LRRC17: variants seen among roughly 807,000 people sequenced by gnomAD.
LRRC17 encodes leucine rich repeat containing 17.
Under a neutral mutation model 41.5 loss-of-function variants are expected in LRRC17, and 33 were observed. The observed-to-expected ratio is 0.80, with a 90% CI of 0.60 to 1.06. The LOEUF is 1.06. Among genes scored for constraint, LRRC17 ranks in the 50% least tolerant of loss-of-function variants. LRRC17 has a pLI of 0.00. For synonymous variants in LRRC17, 192 were observed against 197.0 expected, an observed-to-expected ratio of 0.97 and a Z score of 0.21; for missense variants, 491 against 519.3, an observed-to-expected ratio of 0.95 and a Z score of 0.53.
intron 1 of LRRC17, among the ~76,000 whole-genome samples, chr7:102,930,090 T>C (rs971131040): frequency 5.3e-5 from 8 of 151,920 alleles, no homozygotes; most frequent in Non-Finnish European, 1.2e-4. Context: ...CACAATGAAA[T>C]AGCATGACAT....
rs4061 is a variant in LRRC17 at position 102,944,825 on chromosome 7, T to A, written c.*218T>A. On this transcript the variant is annotated 3_prime_UTR_variant, in exon 4 of 4. Transcript: ENST00000339431. ...ATTTGTGGAACAGCATCTGGTGATA[T>A]GCAATTCCACACTGGTAACCTGCAG... The A allele has an allele frequency of 2.1e-6, 1 of 468,184 alleles. No individual in the cohort carries two copies. Among genetic ancestry groups the A allele is most frequent in the African/African-American group, 2.0e-5 (1 of 50,152 alleles). The allele number at this position is 468,184 out of a possible 1,614,324, so 29.0% of individuals were successfully genotyped here.
intron 3 of LRRC17, among the ~76,000 whole-genome samples, chr7:102,940,713 C>T (rs1821261296): frequency 6.6e-6 from 1 of 152,332 alleles, no homozygotes; most frequent in South Asian, 2.1e-4. Flanking sequence ...CAAATCTCTT[C>T]TCCATTTGCT....
Position 102,934,631 on chromosome 7 carries a change from A to G in LRRC17, c.718A>G (p.Thr240Ala). The G allele has an allele frequency of 6.2e-7, 1 of 1,608,438 alleles. No individual in the cohort carries two copies. The highest frequency in any genetic ancestry group is 2.2e-5 in the East Asian group (1 of 44,880). The change falls in exon 2 of 4, where the codon ACT becomes GCT. Residue 240 changes from threonine (T) to alanine (A), a missense_variant. Coordinates refer to ENST00000339431, the MANE Select transcript of LRRC17 (RefSeq NM_001031692.3). ...AGTCATCAAGCCTGAGGTGGACTCA[A>G]CTTTTTGCCACAATTATGTGTTTCC... ...PPVIKPEVDS[T>A]FCHNYVFPIQ...
At chr7:102,932,758 AC>A (rs1235172309) in intron 1 of LRRC17, among the ~76,000 whole-genome samples, 3 of 151,876 alleles carry the variant, frequency 2.0e-5, no homozygotes, top group Non-Finnish European at 4.4e-5. Context: ...ACAGGTGCAT[AC>A]CACCATGCCC....
At chr7:102,915,913 A>G (rs1815761625) in intron 1 of LRRC17, among the ~76,000 whole-genome samples, 1 of 152,206 alleles carries the variant, frequency 6.6e-6, no homozygotes, top group Non-Finnish European at 1.5e-5. Flanking sequence ...AATGTCCCAG[A>G]GACTGCTAAT....
chr7:102,937,819 T>C (rs1228796743), intron 2 of LRRC17, among the ~76,000 whole-genome samples: 1 of 152,182 alleles, frequency 6.6e-6, no homozygotes, highest in Non-Finnish European at 1.5e-5. Context: ...ATGGCTAGAA[T>C]TGAAGTGTGA....
chr7:102,936,693 C>T (rs1820375839), intron 2 of LRRC17, among the ~76,000 whole-genome samples: 1 of 152,202 alleles, frequency 6.6e-6, no homozygotes, highest in Admixed American at 6.5e-5. Context: ...CCTCAAGCTA[C>T]AGTGAATTTG....
chr7:102,930,320 G>A (rs1266879277), intron 1 of LRRC17, among the ~76,000 whole-genome samples: 3 of 151,966 alleles, frequency 2.0e-5, no homozygotes, highest in Admixed American at 1.3e-4. Flanking sequence ...CTCCTATCTC[G>A]TTAGGGACTT....
At position 102,934,044 on chromosome 7, in the gene LRRC17, C is replaced by A. The variant is rs747092240; in HGVS notation, c.131C>A (p.Pro44Gln). Residue 44 changes from proline to glutamine, a missense_variant, in exon 2 of 4, where the codon CCG becomes CAG. Coordinates refer to ENST00000339431, the MANE Select transcript of LRRC17 (RefSeq NM_001031692.3). Reference protein sequence around the residue: ...RAGGGRRGSNPVKRYAPGLPC... With the variant: ...RAGGGRRGSNQVKRYAPGLPC... ...GGTGGAGGCCGGAGAGGCTCCAACC[C>A]GGTCAAACGCTACGCACCAGGCCTC... 1.9e-6 allele frequency: 3 copies of A among 1,614,034 alleles called. No individual in the cohort carries two copies. The Admixed American group carries it at 5.0e-5, about 27-fold the overall frequency.
chr7:102,917,271 C>T (rs17397797), intron 1 of LRRC17, among the ~76,000 whole-genome samples: 1,991 of 152,206 alleles, frequency 0.013, 21 homozygotes, highest in Middle Eastern at 0.031. Context: ...CATGATAGTT[C>T]CTGATAATAA....
In LRRC17 at chr7:102,934,095, A is replaced by G; in HGVS notation, c.182A>G (p.His61Arg). The G allele has an allele frequency of 6.2e-7, 1 of 1,614,040 alleles. No homozygotes were observed. The highest frequency in any genetic ancestry group is 8.5e-7 in the Non-Finnish European group (1 of 1,179,904). ...GLPCDVYTYLHEKYLDCQERK... is the reference protein window; with the variant it reads ...GLPCDVYTYLREKYLDCQERK... ...CCGTGTGACGTGTACACATATCTCC[A>G]TGAGAAATACTTAGATTGTCAAGAA... Residue 61 changes from histidine to arginine, a missense_variant, in exon 2 of 4, where the codon CAT becomes CGT. By Grantham distance (29) the His-to-Arg change is conservative. Coordinates refer to ENST00000339431, the MANE Select transcript of LRRC17 (RefSeq NM_001031692.3).
intron 1 of LRRC17, among the ~76,000 whole-genome samples, chr7:102,928,237 A>G (rs555350360): frequency 7.2e-5 from 11 of 152,298 alleles, no homozygotes; most frequent in Admixed American, 1.3e-4. Flanking sequence ...TGAACATCCA[A>G]ACAAATTTAG....
intron 1 of LRRC17, among the ~76,000 whole-genome samples, chr7:102,925,747 G>A (rs1164078798): frequency 6.6e-6 from 1 of 152,078 alleles, no homozygotes; most frequent in Non-Finnish European, 1.5e-5. Flanking sequence ...TTTGAGACCA[G>A]CCTGACCAAC....
chr7:102,929,759 GTGACTGT>G (rs1584992562), intron 1 of LRRC17, among the ~76,000 whole-genome samples: 1 of 151,958 alleles, frequency 6.6e-6, no homozygotes, highest in East Asian at 1.9e-4. Context: ...AAAATGAAGG[GTGACTGT>G]TGATGGGCAT....
intron 1 of LRRC17, 91 bp from the exon 2 acceptor site, chr7:102,933,683 G>C: frequency 2.9e-6 from 1 of 344,064 alleles, no homozygotes; most frequent in South Asian, 6.1e-5. Context: ...GAACTAGAAG[G>C]CCTTTGCCTT....
chr7:102,915,725 C>T (rs554288751), intron 1 of LRRC17, among the ~76,000 whole-genome samples: 1 of 115,988 alleles, frequency 8.6e-6, no homozygotes, highest in East Asian at 2.8e-4. Flanking sequence ...TACATAATTA[C>T]CAAATAAAAA....
chr7:102,913,154 A>T lies in LRRC17; in HGVS notation c.-141+9A>T. On this transcript the variant is annotated intron_variant, in intron 1 of 3. Transcript: ENST00000339431. The stretch of plus-strand genomic sequence containing the variant: ...CCATTCCCCAAGTTCAGGTACTGTA[A>T]GCCTTTGTCTGTGAACCGTCTGCAA... 6.2e-7 allele frequency: 1 copy of T among 1,614,194 alleles called. No individual in the cohort carries two copies. Among genetic ancestry groups the T allele is most frequent in the Non-Finnish European group, 8.5e-7 (1 of 1,180,034 alleles).
At chr7:102,922,391 G>A (rs1411849450) in intron 1 of LRRC17, among the ~76,000 whole-genome samples, 1 of 151,864 alleles carries the variant, frequency 6.6e-6, no homozygotes, top group Non-Finnish European at 1.5e-5. Context: ...TCATGCAAAT[G>A]CAAAAATATA....
At chr7:102,931,540 A>G (rs1207312887) in intron 1 of LRRC17, among the ~76,000 whole-genome samples, 6 of 152,218 alleles carry the variant, frequency 3.9e-5, no homozygotes, top group African/African-American at 7.2e-5. Flanking sequence ...TCTTTGGCAC[A>G]GCTGTTGATA....
Sources: allele counts gnomAD v4.1 joint callset (sites outside exome capture counted in the v4.1 genomes callset), GRCh38; gene constraint gnomAD v4.1.1; transcripts MANE v1.5; gene names NCBI Gene and HGNC (gene_info 2026-07-23, HGNC 2026-07-21).